Variants in DNAJC8 observed in about 807,000 individuals in gnomAD.
DNAJC8 encodes the protein dnaJ homolog subfamily C member 8.
A neutral mutation model predicts 43.2 loss-of-function variants in DNAJC8; 24 were observed. The ratio of observed to expected loss-of-function variants is 0.56; its 90% CI spans 0.40 to 0.78. DNAJC8 has a LOEUF of 0.78. DNAJC8 is among the 30% of genes least tolerant of loss of function. The pLI, the probability that DNAJC8 is intolerant of heterozygous loss-of-function variation, is 0.00. For synonymous variants in DNAJC8, 83 were observed against 98.0 expected (o/e 0.85, Z 0.90); for missense variants, 207 against 299.4 (o/e 0.69, Z 2.28).
At chr1:28,216,210 T>C (rs6691281) in intron 2 of DNAJC8, among the ~76,000 whole-genome samples, 3,417 of 152,172 alleles carry the variant, frequency 0.022, 143 homozygotes, top group African/African-American at 0.077. Context: ...TAGCCAGGCG[T>C]AGTGGCGCAT....
In DNAJC8 at chr1:28,200,708, C is replaced by A. The variant is rs1380103800; in HGVS notation, c.*540G>T. Reference sequence around the variant, plus strand: ...CATGCCACACTGATTGGTCAGTAGACAGGGGGCACATGCCAAACACCACAG... The same window carrying A: ...CATGCCACACTGATTGGTCAGTAGAAAGGGGGCACATGCCAAACACCACAG... On this transcript the variant is annotated 3_prime_UTR_variant, in exon 9 of 9. Transcript: ENST00000263697. The A allele has an allele frequency of 2.2e-6, 1 of 454,254 alleles. No homozygotes were observed. The highest frequency in any genetic ancestry group is 4.4e-6 in the Non-Finnish European group (1 of 226,708). 28.1% of individuals were successfully genotyped at this position (454,254 alleles called of 1,614,324 possible). A position where few individuals can be genotyped will look rare whatever the true frequency, so the allele number is the denominator to read the frequency against.
intron 5 of DNAJC8, 121 bp downstream of exon 5, chr1:28,209,851 G>C: frequency 8.9e-6 from 7 of 787,818 alleles, no homozygotes; most frequent in Non-Finnish European, 1.5e-5. Context: ...AAGTGGTAGA[G>C]AGCACAGAAG....
At chr1:28,202,265 G>GT (rs936532533) in intron 8 of DNAJC8, among the ~76,000 whole-genome samples, 6 of 151,948 alleles carry the variant, frequency 3.9e-5, no homozygotes, top group Non-Finnish European at 7.4e-5. Flanking sequence ...GTTTAACATG[G>GT]TTTTTTTTGT....
chr1:28,210,346 A>G (rs1395507092), intron 4 of DNAJC8: 3 of 568,788 alleles, frequency 5.3e-6, no homozygotes, highest in African/African-American at 3.7e-5. Flanking sequence ...ATCCTATGCA[A>G]TAACAGTCTT....
rs761763350 is a variant in DNAJC8 at position 28,205,252 on chromosome 1, A to G, written c.563+6T>C. ...ATATGGTTTAAATGAATATACTGAT[A>G]TGTACCTTTCATGCATCTCTTTGGC... On this transcript the variant is annotated splice_donor_region_variant and intron_variant, in intron 7 of 8. Coordinates refer to ENST00000263697, the MANE Select transcript of DNAJC8 (RefSeq NM_014280.3). 1.2e-6 allele frequency: 2 copies of G among 1,601,642 alleles called. No homozygotes were observed. The highest frequency in any genetic ancestry group is 4.5e-5 in the East Asian group (2 of 44,796).
Position 28,203,834 on chromosome 1 carries a change from AC to A in DNAJC8, c.564-13del. On this transcript the variant is annotated splice_polypyrimidine_tract_variant and intron_variant, in intron 7 of 8. Transcript: ENST00000263697. Reference sequence around the variant, plus strand: ...CCCTTTGTCGTTTCCTAGGAGGAAAACCAGATCATAGTATTTATATGATACT... The same window carrying A: ...CCCTTTGTCGTTTCCTAGGAGGAAAACAGATCATAGTATTTATATGATACT... 1 of 1,613,600 alleles carries A rather than the reference AC, an allele frequency of 6.2e-7. No individual in the cohort carries two copies. The highest frequency in any genetic ancestry group is 8.5e-7 in the Non-Finnish European group (1 of 1,179,590).
At chr1:28,207,455 GTTGTT>G (rs900366791) in intron 6 of DNAJC8, among the ~76,000 whole-genome samples, 7 of 151,628 alleles carry the variant, frequency 4.6e-5, no homozygotes, top group African/African-American at 1.2e-4. Context: ...TGTTGTTGTT[GTTGTT>G]TTAAGACAGA....
rs565222649 is a variant in DNAJC8 at position 28,212,118 on chromosome 1, T to C, written c.238-1481A>G. On this transcript the variant is annotated intron_variant, in intron 3 of 8. Transcript: ENST00000263697. ...CTGCCGTGAGCCAAGATCGCAACACTGTACTGCAACCTGGGTGACAGAGCC... is the reference window on the plus strand; with the variant it reads ...CTGCCGTGAGCCAAGATCGCAACACCGTACTGCAACCTGGGTGACAGAGCC... Among the ~76,000 whole-genome samples, 306 of 141,552 alleles carry C rather than the reference T, an allele frequency of 2.2e-3. 1 individual carries two copies. Among genetic ancestry groups the C allele is most frequent in the African/African-American group, 7.7e-3 (296 of 38,550 alleles). The allele number at this position is 141,552 out of a possible 152,430, so 92.9% of individuals were successfully genotyped here. A position where few individuals can be genotyped will look rare whatever the true frequency, so the allele number is the denominator to read the frequency against.
chr1:28,227,074 C>CAAAA lies in DNAJC8; in HGVS notation c.180+1844_180+1847dup, dbSNP rs148492955. 3.2e-5 allele frequency among the ~76,000 whole-genome samples: 3 copies of CAAAA among 94,726 alleles called. No individual in the cohort carries two copies. In the East Asian group the frequency reaches 9.5e-4, roughly 30 times the overall value. 62.1% of individuals were successfully genotyped at this position (94,726 alleles called of 152,430 possible). A position where few individuals can be genotyped will look rare whatever the true frequency, so the allele number is the denominator to read the frequency against. ...AGATTTAACATCTTGTCAAGCATTG[C>CAAAA]AAAAAAAAAAAAAGAATTTCTCTCT... On this transcript the variant is annotated intron_variant, in intron 2 of 8. Coordinates refer to ENST00000263697, the MANE Select transcript of DNAJC8 (RefSeq NM_014280.3).
At chr1:28,226,206 T>TA (rs1370342860) in intron 2 of DNAJC8, among the ~76,000 whole-genome samples, 1 of 150,820 alleles carries the variant, frequency 6.6e-6, no homozygotes, top group Non-Finnish European at 1.5e-5. Context: ...GGCCGCCTGT[T>TA]AAAAAAACTT....
At chr1:28,205,516 G>A (rs916055189) in intron 6 of DNAJC8, among the ~76,000 whole-genome samples, 167 bp from the exon 7 acceptor site, 3 of 152,210 alleles carry the variant, frequency 2.0e-5, no homozygotes, top group Non-Finnish European at 2.9e-5. Context: ...CCAAAGGCAG[G>A]AGAATCGTTT....
chr1:28,229,021 C>T lies in DNAJC8; in HGVS notation c.81G>A (p.Val27=). ...CCGAGTCTCTCTTCTCTATTTGTTT[C>T]ACCTAAAATTATGAGGATTAAAAAC... ...EEAFMTFYSE[V]KQIEKRDSVL... is the part of the protein sequence containing the mutation. Residue 27 remains valine, a splice_region_variant and synonymous_variant, in exon 2 of 9, where the codon GTG becomes GTA. Coordinates refer to ENST00000263697, the MANE Select transcript of DNAJC8 (RefSeq NM_014280.3). 1.2e-6 allele frequency: 2 copies of T among 1,612,806 alleles called. No individual in the cohort carries two copies. Among genetic ancestry groups the T allele is most frequent in the Non-Finnish European group, 1.7e-6 (2 of 1,179,242 alleles).
At chr1:28,231,265 G>A (rs1248322031) in intron 1 of DNAJC8, among the ~76,000 whole-genome samples, 1 of 152,044 alleles carries the variant, frequency 6.6e-6, no homozygotes, top group Admixed American at 6.6e-5. Flanking sequence ...CCCAGCTACT[G>A]ATGTGGGAGA....
At chr1:28,213,433 A>G (rs770884204) in intron 3 of DNAJC8, among the ~76,000 whole-genome samples, 4 of 152,158 alleles carry the variant, frequency 2.6e-5, no homozygotes, top group Non-Finnish European at 5.9e-5. Context: ...ATAATGGGAT[A>G]TGATTACGTA....
At chr1:28,229,598 A>G (rs1646959933) in intron 1 of DNAJC8, among the ~76,000 whole-genome samples, 1 of 152,034 alleles carries the variant, frequency 6.6e-6, no homozygotes, top group Admixed American at 6.6e-5. Context: ...ACATGGTGAA[A>G]CCCCGTCTCT....
chr1:28,210,957 C>A (rs1050631182), intron 3 of DNAJC8, among the ~76,000 whole-genome samples: 10 of 152,132 alleles, frequency 6.6e-5, no homozygotes, highest in Non-Finnish European at 1.2e-4. Context: ...ATTACTTAAG[C>A]CCAGGACTTC....
chr1:28,215,813 A>G (rs12141171), intron 2 of DNAJC8, among the ~76,000 whole-genome samples: 49,958 of 151,306 alleles, frequency 0.33, 8,910 homozygotes, highest in African/African-American at 0.46. Context: ...CTGGGATTAC[A>G]GGTGTGAGCC....
intron 7 of DNAJC8, 74 bp downstream of exon 7, chr1:28,205,184 G>A: frequency 8.5e-7 from 1 of 1,173,616 alleles, no homozygotes; most frequent in Non-Finnish European, 1.2e-6. Context: ...TCCCTCATTA[G>A]GAAAATCACC....
At chr1:28,211,971 C>T (rs1212583367) in intron 3 of DNAJC8, among the ~76,000 whole-genome samples, 1 of 151,226 alleles carries the variant, frequency 6.6e-6, no homozygotes, top group African/African-American at 2.4e-5. Flanking sequence ...GCCTGGCCTA[C>T]ATGGTGAAAC....
Sources: allele counts gnomAD v4.1 joint callset (sites outside exome capture counted in the v4.1 genomes callset), GRCh38; gene constraint gnomAD v4.1.1; transcripts MANE v1.5; gene names NCBI Gene and HGNC (gene_info 2026-07-23, HGNC 2026-07-21).